Variants in DNAH17 observed in about 807,000 individuals in gnomAD.
The protein encoded by DNAH17 is axonemal beta dynein heavy chain 17.
A neutral mutation model predicts 485.6 loss-of-function variants in DNAH17; 376 were observed. The observed-to-expected ratio is 0.77, with a 90% CI of 0.71 to 0.84. The LOEUF (loss-of-function observed/expected upper bound fraction) is 0.84, where lower values mean the gene tolerates loss of function less well. Among genes scored for constraint, DNAH17 ranks in the 40% least tolerant of loss-of-function variants. DNAH17 has a pLI of 0.00. For missense variants in DNAH17, 6,370 were observed against 5,839.3 expected (o/e 1.09, Z -2.96); for synonymous variants, 3,031 against 2,405.9 (o/e 1.26, Z -7.60).
At chr17:78,576,195 T>TA (rs2092430273) in intron 1 of DNAH17, among the ~76,000 whole-genome samples, 1 of 152,220 alleles carries the variant, frequency 6.6e-6, no homozygotes, top group African/African-American at 2.4e-5. Context: ...CTATTGCTTT[T>TA]AAGTTTGTAA....
At chr17:78,435,534 G>T (rs2086826967) in intron 74 of DNAH17, among the ~76,000 whole-genome samples, 1 of 152,172 alleles carries the variant, frequency 6.6e-6, no homozygotes, top group African/African-American at 2.4e-5. Flanking sequence ...GGCTGGCAGG[G>T]CTCCACGCTG....
intron 14 of DNAH17, 30 bp downstream of exon 14, chr17:78,558,078 A>G (rs754523449): frequency 6.3e-7 from 1 of 1,583,988 alleles, no homozygotes; most frequent in East Asian, 2.3e-5. Flanking sequence ...ACAAAGCTGC[A>G]TCAGGAATAG....
rs2089526700 is a variant in DNAH17 at position 78,484,866 on chromosome 17, A to G, written c.7649+2T>C. On this transcript the variant is annotated splice_donor_variant, in intron 48 of 80. Transcript: ENST00000389840. LOFTEE classifies it high-confidence loss of function. ...TTCCCCTCCGGCCCCGCCCCGTCTA[A>G]CCAGTGCCGGTGGTCCATGTGCTGC... 1 of 1,551,372 alleles carries G rather than the reference A, an allele frequency of 6.4e-7. No homozygotes were observed. The highest frequency in any genetic ancestry group is 8.7e-7 in the Non-Finnish European group (1 of 1,147,512).
chr17:78,568,452 T>A (rs1284147320), intron 9 of DNAH17, among the ~76,000 whole-genome samples: 1 of 152,152 alleles, frequency 6.6e-6, no homozygotes, highest in African/African-American at 2.4e-5. Flanking sequence ...TTTTTAAGGA[T>A]GTGAGTTATA....
intron 44 of DNAH17, among the ~76,000 whole-genome samples, chr17:78,488,394 G>C (rs1443540305): frequency 6.6e-6 from 1 of 152,148 alleles, no homozygotes; most frequent in South Asian, 2.1e-4. Flanking sequence ...CAATACTCAG[G>C]TCTCCTCCTC....
chr17:78,484,741 C>CCCCCGGGCCG, intron 48 of DNAH17, 127 bp downstream of exon 48: 1 of 370,152 alleles, frequency 2.7e-6, no homozygotes, highest in Non-Finnish European at 4.3e-6. Context: ...GTTGCAGCAC[C>CCCCCGGGCCG]CCCCCCACCG....
In DNAH17 at chr17:78,537,475, T is replaced by C. The variant is rs745997357; in HGVS notation, c.2683A>G (p.Ile895Val). Residue 895 changes from isoleucine (I) to valine (V), a missense_variant, in exon 19 of 81, where the codon ATC (isoleucine) becomes GTC (valine). Ile to Val is a conservative substitution (Grantham distance 29). Coordinates refer to ENST00000389840, the MANE Select transcript of DNAH17 (RefSeq NM_173628.4). ...LMDNMVIDESIAPLFEIRMEL... is the reference protein window; with the variant it reads ...LMDNMVIDESVAPLFEIRMEL... ...ATGCGGATCTCAAACAGGGGAGCGA[T>C]ACTCTCCTGAAAGAGGGGTGGGGTT... The C allele has an allele frequency of 4.3e-6, 7 of 1,613,072 alleles. No homozygotes were observed. The highest frequency in any genetic ancestry group is 4.5e-5 in the East Asian group (2 of 44,884).
intron 57 of DNAH17, among the ~76,000 whole-genome samples, chr17:78,462,242 CGA>C (rs1429797532): frequency 1.6e-4 from 5 of 32,204 alleles, no homozygotes; most frequent in East Asian, 9.2e-4. Flanking sequence ...AGAGTGACAG[CGA>C]GAGTTTGGTA....
chr17:78,452,699 C>T (rs1473660666), intron 65 of DNAH17, among the ~76,000 whole-genome samples: 1 of 152,228 alleles, frequency 6.6e-6, no homozygotes, highest in East Asian at 1.9e-4. Context: ...GATCGTACCA[C>T]TGGACTCCAG....
chr17:78,502,569 T>A, intron 33 of DNAH17, 22 bp downstream of exon 33: 1 of 1,601,344 alleles, frequency 6.2e-7, no homozygotes, highest in African/African-American at 1.3e-5. Flanking sequence ...AAAACGTAAC[T>A]AACTACACAC....
intron 17 of DNAH17, among the ~76,000 whole-genome samples, chr17:78,543,160 G>A (rs1385793201): frequency 6.6e-6 from 1 of 152,248 alleles, no homozygotes; most frequent in Non-Finnish European, 1.5e-5. Context: ...TTTCACCCAG[G>A]CTGGGGTGCA....
chr17:78,496,087 C>A, intron 37 of DNAH17, 55 bp from the exon 38 acceptor site: 1 of 1,555,556 alleles, frequency 6.4e-7, no homozygotes, highest in Non-Finnish European at 8.7e-7. Context: ...CTTCCACACA[C>A]CAGAGAGGCC....
chr17:78,429,611 G>A (rs1458957180), intron 75 of DNAH17, among the ~76,000 whole-genome samples: 1 of 152,220 alleles, frequency 6.6e-6, no homozygotes, highest in East Asian at 1.9e-4. Flanking sequence ...CCGTGGGGCA[G>A]GTGTTTCTGC....
chr17:78,455,008 C>G (rs562039097), intron 63 of DNAH17, among the ~76,000 whole-genome samples: 41 of 152,208 alleles, frequency 2.7e-4, no homozygotes, highest in Non-Finnish European at 4.4e-4. Flanking sequence ...CTCTCGAGTT[C>G]AAGAGATTCT....
At chr17:78,569,302 A>G (rs1199095569) in intron 8 of DNAH17, 50 bp from the exon 9 acceptor site, 2 of 1,599,188 alleles carry the variant, frequency 1.3e-6, no homozygotes, top group South Asian at 1.1e-5. Flanking sequence ...AAATGTCCCA[A>G]GTTTATCAAA....
intron 46 of DNAH17, 58 bp downstream of exon 46, chr17:78,485,902 C>T: frequency 1.3e-6 from 2 of 1,591,908 alleles, no homozygotes; most frequent in Non-Finnish European, 1.7e-6. Context: ...GTGGAGGGTA[C>T]TGCACCGATT....
chr17:78,447,534 G>A (rs371364725), intron 69 of DNAH17, among the ~76,000 whole-genome samples: 65 of 152,314 alleles, frequency 4.3e-4, no homozygotes, highest in Non-Finnish European at 6.5e-4. Flanking sequence ...TGCCCAAACG[G>A]TCTGTTTTTC....
chr17:78,494,823 G>A lies in DNAH17; in HGVS notation c.6043-3C>T. 1.3e-6 allele frequency: 2 copies of A among 1,598,206 alleles called. No homozygotes were observed. The highest frequency in any genetic ancestry group is 2.2e-5 in the East Asian group (1 of 44,634). ...CTCAGGCCCCAGTCGTAATGATCCT[G>A]CGGGCAGTGGGCACAGGTGGGCAGA... On this transcript the variant is annotated splice_polypyrimidine_tract_variant and splice_region_variant and intron_variant, in intron 39 of 80. Coordinates refer to ENST00000389840, the MANE Select transcript of DNAH17 (RefSeq NM_173628.4).
At chr17:78,440,244 C>CTTT (rs71160296) in intron 72 of DNAH17, among the ~76,000 whole-genome samples, 7 of 40,340 alleles carry the variant, frequency 1.7e-4, no homozygotes, top group Non-Finnish European at 2.1e-4. Flanking sequence ...CGACTTCATG[C>CTTT]TTTTTTTTTT....
Sources: allele counts gnomAD v4.1 joint callset (sites outside exome capture counted in the v4.1 genomes callset), GRCh38; gene constraint gnomAD v4.1.1; transcripts MANE v1.5; gene names NCBI Gene and HGNC (gene_info 2026-07-23, HGNC 2026-07-21).